The following SEC22A variants were observed in gnomAD, a reference collection of about 807,000 sequenced individuals.
SEC22A encodes the protein SEC22 homolog A, vesicle trafficking protein, also known as vesicle-trafficking protein SEC22a.
In SEC22A, 22 loss-of-function variants were observed where a neutral mutation model predicts 35.3. The observed-to-expected ratio is 0.62, with a 90% CI of 0.45 to 0.89. The LOEUF is 0.89. Ranked by LOEUF, SEC22A falls within the 40% of genes least tolerant of loss-of-function variation. The pLI is 0.00. For synonymous variants in SEC22A, 119 were observed against 129.5 expected, an observed-to-expected ratio of 0.92 and a Z score of 0.55; for missense variants, 354 against 362.5, an observed-to-expected ratio of 0.98 and a Z score of 0.19.
chr3:123,260,169 A>AAAAAAAAAAAAAAAAAAAAC (rs1559763879), intron 6 of SEC22A, among the ~76,000 whole-genome samples: 4 of 114,758 alleles, frequency 3.5e-5, no homozygotes, highest in African/African-American at 1.4e-4. Context: ...AAAAAAAAAA[A>AAAAAAAAAAAAAAAAAAAAC]CTACTAGATT....
At chr3:123,263,017 TCAC>T (rs1937927348) in intron 6 of SEC22A, among the ~76,000 whole-genome samples, 2 of 152,360 alleles carry the variant, frequency 1.3e-5, no homozygotes, top group South Asian at 4.1e-4. Flanking sequence ...AACATTCCTG[TCAC>T]CACAGGGATC....
chr3:123,240,387 A>G (rs551987391), intron 4 of SEC22A, among the ~76,000 whole-genome samples: 2 of 152,272 alleles, frequency 1.3e-5, no homozygotes, highest in Admixed American at 6.5e-5. Flanking sequence ...CTTTATATAA[A>G]AGAAGACTAC....
intron 6 of SEC22A, among the ~76,000 whole-genome samples, chr3:123,269,936 A>AT (rs59031801): frequency 0.57 from 86,452 of 151,674 alleles, 25,103 homozygotes; most frequent in Non-Finnish European, 0.61. Flanking sequence ...CTGGCCAAAA[A>AT]TTTTTTTAAA....
chr3:123,222,669 T>A (rs1188024882), intron 2 of SEC22A, among the ~76,000 whole-genome samples: 1 of 152,242 alleles, frequency 6.6e-6, no homozygotes, highest in Non-Finnish European at 1.5e-5. Context: ...ATAGCTGATG[T>A]GTCTTTCTCA....
intron 6 of SEC22A, among the ~76,000 whole-genome samples, chr3:123,261,144 G>A (rs1271273054): frequency 1.3e-5 from 2 of 151,984 alleles, no homozygotes; most frequent in Non-Finnish European, 2.9e-5. Context: ...CAAAAAAATT[G>A]CTTGATTTTC....
intron 4 of SEC22A, 66 bp from the exon 5 acceptor site, chr3:123,245,833 G>C: frequency 1.2e-6 from 1 of 869,464 alleles, no homozygotes; most frequent in Non-Finnish European, 1.9e-6. Context: ...GTGAATTTCT[G>C]TTTTACCTAA....
chr3:123,267,588 A>C (rs1156534024), intron 6 of SEC22A, among the ~76,000 whole-genome samples: 1 of 152,130 alleles, frequency 6.6e-6, no homozygotes, highest in Non-Finnish European at 1.5e-5. Flanking sequence ...TTAACCATCA[A>C]ACATAATTTA....
At chr3:123,270,251 C>G (rs1054408308) in intron 6 of SEC22A, among the ~76,000 whole-genome samples, 2 of 151,646 alleles carry the variant, frequency 1.3e-5, no homozygotes, top group African/African-American at 4.8e-5. Flanking sequence ...CTATTTTTTT[C>G]TATTTTTTCA....
Position 123,225,515 on chromosome 3 carries a change from C to G in SEC22A, c.541+218C>G, listed in dbSNP as rs148316560. The stretch of plus-strand genomic sequence containing the variant: ...ATAGCAACCTCAGAGGATCTCTTTG[C>G]TAGAAAAACATTTTTTTAAATTTAA... On this transcript the variant is annotated intron_variant, in intron 4 of 6. Coordinates refer to ENST00000492595, the MANE Select transcript of SEC22A (RefSeq NM_012430.5). Among the ~76,000 whole-genome samples, 295 of 152,114 alleles carry G rather than the reference C, an allele frequency of 1.9e-3. 1 individual carries two copies. The highest frequency in any genetic ancestry group is 6.9e-3 in the African/African-American group (287 of 41,488).
intron 6 of SEC22A, among the ~76,000 whole-genome samples, chr3:123,260,732 C>T (rs185576129): frequency 3.3e-5 from 5 of 152,132 alleles, no homozygotes; most frequent in East Asian, 1.9e-4. Flanking sequence ...GTTCAGTGGA[C>T]GTCTTTAGGG....
intron 6 of SEC22A, among the ~76,000 whole-genome samples, chr3:123,260,157 A>C (rs1299485031): frequency 3.0e-5 from 4 of 131,996 alleles, no homozygotes; most frequent in Admixed American, 7.9e-5. Context: ...AAAAAAAAAA[A>C]AAAAAAAAAA....
intron 4 of SEC22A, among the ~76,000 whole-genome samples, chr3:123,239,883 T>G (rs1235522988): frequency 6.6e-6 from 1 of 152,166 alleles, no homozygotes; most frequent in Admixed American, 6.5e-5. Context: ...ATGCAAGAAC[T>G]TTTATTGTGG....
intron 6 of SEC22A, among the ~76,000 whole-genome samples, chr3:123,264,115 C>T (rs1457747714): frequency 6.6e-6 from 1 of 152,052 alleles, no homozygotes; most frequent in Non-Finnish European, 1.5e-5. Context: ...ATGTTTGTTG[C>T]CCAGGCTGGT....
intron 4 of SEC22A, among the ~76,000 whole-genome samples, chr3:123,229,515 T>G (rs1937276302): frequency 6.6e-6 from 1 of 152,184 alleles, no homozygotes; most frequent in South Asian, 2.1e-4. Flanking sequence ...TATTTACAGA[T>G]AAATGAAAGA....
At chr3:123,266,280 A>G (rs1300698785) in intron 6 of SEC22A, among the ~76,000 whole-genome samples, 1 of 151,992 alleles carries the variant, frequency 6.6e-6, no homozygotes, top group Non-Finnish European at 1.5e-5. Context: ...TATGGCTTCA[A>G]TTTTATTGAT....
At chr3:123,228,727 G>A (rs9820127) in intron 4 of SEC22A, among the ~76,000 whole-genome samples, 31,801 of 151,938 alleles carry the variant, frequency 0.21, 3,454 homozygotes, top group Middle Eastern at 0.28. Flanking sequence ...TTATAATCAT[G>A]TTCAAAGACT....
intron 5 of SEC22A, among the ~76,000 whole-genome samples, chr3:123,249,532 T>G (rs2108082511): frequency 6.6e-6 from 1 of 152,120 alleles, no homozygotes; most frequent in East Asian, 1.9e-4. Flanking sequence ...TATATATGTA[T>G]ATATGTATTT....
intron 5 of SEC22A, among the ~76,000 whole-genome samples, chr3:123,255,964 G>T (rs1937722183): frequency 6.7e-6 from 1 of 150,324 alleles, no homozygotes; most frequent in African/African-American, 2.4e-5. Context: ...TAATACTGTA[G>T]GTATCATCTC....
At chr3:123,235,829 T>C (rs1937409659) in intron 4 of SEC22A, among the ~76,000 whole-genome samples, 1 of 152,184 alleles carries the variant, frequency 6.6e-6, no homozygotes, top group African/African-American at 2.4e-5. Context: ...ATAAATAAAA[T>C]GTGGTATATC....
Sources: allele counts gnomAD v4.1 joint callset (sites outside exome capture counted in the v4.1 genomes callset), GRCh38; gene constraint gnomAD v4.1.1; transcripts MANE v1.5; gene names NCBI Gene and HGNC (gene_info 2026-07-23, HGNC 2026-07-21).